The following SLC22A11 variants were observed in gnomAD, a reference collection of about 807,000 sequenced individuals.
SLC22A11 encodes organic anion transporter 4.
A neutral mutation model predicts 49.4 loss-of-function variants in SLC22A11; 42 were observed. That is an observed-to-expected ratio of 0.85 (90% confidence interval 0.66 to 1.10). The LOEUF (loss-of-function observed/expected upper bound fraction) is 1.10. Ranked by LOEUF, SLC22A11 falls within the 50% of genes least tolerant of loss-of-function variation. The pLI is 0.00. For synonymous variants in SLC22A11, 304 were observed against 315.8 expected (o/e 0.96, Z 0.40); for missense variants, 685 against 731.6 (o/e 0.94, Z 0.74).
chr11:64,562,818 G>A lies in SLC22A11; in HGVS notation c.821+383G>A, dbSNP rs115763744. Among the ~76,000 whole-genome samples the A allele has an allele frequency of 0.021, 3,273 of 152,236 alleles. 126 individuals carry two copies. Among genetic ancestry groups the A allele is most frequent in the African/African-American group, 0.074 (3,053 of 41,504 alleles). ...ATCCAGGGGCACTGGGCTGAACTTC[G>A]GCCACAGTGGAAGCGGCCGCTCTCC... On this transcript the variant is annotated intron_variant, in intron 4 of 9. Transcript: ENST00000301891. The surrounding 1 kb of genome is among the most constrained non-coding windows in gnomAD (Gnocchi z 4.4).
chr11:64,561,609 T>A (rs919499569), intron 2 of SLC22A11, among the ~76,000 whole-genome samples: 23 of 108,782 alleles, frequency 2.1e-4, no homozygotes, highest in African/African-American at 1.1e-3. Context: ...GCTAATTTAT[T>A]TATTTATTTA....
Position 64,564,328 on chromosome 11 carries a change from G to A in SLC22A11, c.842G>A (p.Arg281Gln), listed in dbSNP as rs374142543. The A allele has an allele frequency of 9.9e-6, 16 of 1,613,900 alleles. No individual in the cohort carries two copies. Among genetic ancestry groups the A allele is most frequent in the South Asian group, 1.1e-5 (1 of 91,080 alleles). ...TACAGGTGGCTGCCAGAATCCGCCC[G>A]GTGGCTGATTATTAAGGGCAAACCA... ...LISWWLPESA[R>Q]WLIIKGKPDQ... The change falls in exon 5 of 10, where the codon CGG becomes CAG. Residue 281 changes from arginine to glutamine, a missense_variant. Transcript: ENST00000301891. This position sits in a 1 kb window ranked among gnomAD's most constrained non-coding sequence, Gnocchi z 4.2.
chr11:64,569,869 TG>T lies in SLC22A11; in HGVS notation c.1589+12del. 1.9e-6 allele frequency: 3 copies of T among 1,611,226 alleles called. No individual in the cohort carries two copies. The highest frequency in any genetic ancestry group is 2.5e-6 in the Non-Finnish European group (3 of 1,179,810). On this transcript the variant is annotated intron_variant, in intron 9 of 9. Coordinates refer to ENST00000301891, the MANE Select transcript of SLC22A11 (RefSeq NM_018484.4). ...GGACCTGGAGAGCCAGTGAGTGACC[TG>T]TGATCCCTGGGCATCGGGCTGGGCT...
At chr11:64,566,379 T>C (rs767218180) in intron 6 of SLC22A11, 1 of 151,998 alleles carries the variant, frequency 6.6e-6, no homozygotes, top group Non-Finnish European at 1.5e-5. Flanking sequence ...ACTTGCTACA[T>C]CTTAGAACAA....
chr11:64,562,215 G>A lies in SLC22A11; in HGVS notation c.653-52G>A, dbSNP rs1371604284. On this transcript the variant is annotated intron_variant, in intron 3 of 9. Transcript: ENST00000301891. The surrounding 1 kb of genome is among the most constrained non-coding windows in gnomAD (Gnocchi z 4.4). ...GGGGGCGGGGGTGGCAGGAGAGAAT[G>A]GGGCTCAGGCCGCCGCATGAGGCCT... 3 of 1,602,948 alleles carry A rather than the reference G, an allele frequency of 1.9e-6. No individual in the cohort carries two copies. The highest frequency in any genetic ancestry group is 2.7e-5 in the African/African-American group (2 of 74,718).
intron 1 of SLC22A11, 77 bp downstream of exon 1, chr11:64,556,469 A>G (rs1456579648): frequency 6.4e-7 from 1 of 1,554,582 alleles, no homozygotes; most frequent in Non-Finnish European, 8.6e-7. Context: ...TTGGACTCCA[A>G]GGTCCAGTCC....
Position 64,563,945 on chromosome 11 carries a change from G to C in SLC22A11, c.822-363G>C, listed in dbSNP as rs181781387. On this transcript the variant is annotated intron_variant, in intron 4 of 9. Coordinates refer to ENST00000301891, the MANE Select transcript of SLC22A11 (RefSeq NM_018484.4). ...AAAAAACAAAAAAACCCAGCACCAA[G>C]TGACCTTTCTATCCTAGAAATAGCC... 2.6e-5 allele frequency among the ~76,000 whole-genome samples: 4 copies of C among 152,014 alleles called. No homozygotes were observed. In the East Asian group the frequency reaches 7.8e-4, roughly 29 times the overall value.
chr11:64,570,010 AT>A (rs1328128197), intron 9 of SLC22A11, 152 bp downstream of exon 9: 5 of 688,370 alleles, frequency 7.3e-6, no homozygotes, highest in African/African-American at 7.2e-5. Flanking sequence ...CCAGAAATGT[AT>A]TATTACTATC....
Position 64,571,312 on chromosome 11 carries a change from A to G in SLC22A11, c.*270A>G, listed in dbSNP as rs1745629564. On this transcript the variant is annotated 3_prime_UTR_variant, in exon 10 of 10. Transcript: ENST00000301891. ...AGATGGCCATGCCCAACCAATAACGAGACGGTTCCCCTCCCTTTCCCTGCC... is the reference window on the plus strand; with the variant it reads ...AGATGGCCATGCCCAACCAATAACGGGACGGTTCCCCTCCCTTTCCCTGCC... 2.2e-6 allele frequency: 1 copy of G among 459,208 alleles called. No individual in the cohort carries two copies. The allele number at this position is 459,208 out of a possible 1,614,324, so 28.4% of individuals were successfully genotyped here.
Position 64,564,251 on chromosome 11 carries a change from C to T in SLC22A11, c.822-57C>T, listed in dbSNP as rs573996809. On this transcript the variant is annotated intron_variant, in intron 4 of 9. Transcript: ENST00000301891. This position sits in a 1 kb window ranked among gnomAD's most constrained non-coding sequence, Gnocchi z 4.2. ...GTCCGTGCCCACTGCCCCTTTCCACCCCGCCCCGGGGGAGAGCCCAGCGTG... is the reference window on the plus strand; with the variant it reads ...GTCCGTGCCCACTGCCCCTTTCCACTCCGCCCCGGGGGAGAGCCCAGCGTG... 3 of 1,605,468 alleles carry T rather than the reference C, an allele frequency of 1.9e-6. No homozygotes were observed. Among genetic ancestry groups the T allele is most frequent in the Non-Finnish European group, 2.6e-6 (3 of 1,175,006 alleles).
rs1206188044 is a variant in SLC22A11 at position 64,571,184 on chromosome 11, C to T, written c.*142C>T. 2.4e-5 allele frequency: 20 copies of T among 822,346 alleles called. No individual in the cohort carries two copies. The highest frequency in any genetic ancestry group is 3.4e-5 in the African/African-American group (2 of 59,054). The allele number at this position is 822,346 out of a possible 1,614,324, so 50.9% of individuals were successfully genotyped here. On this transcript the variant is annotated 3_prime_UTR_variant, in exon 10 of 10. Coordinates refer to ENST00000301891, the MANE Select transcript of SLC22A11 (RefSeq NM_018484.4). The stretch of plus-strand genomic sequence containing the variant: ...CAGGCAGCCGTGGCCGAGTGGACAG[C>T]GTGGCCGTCTGCTGTGGCTGAAGGC...
intron 2 of SLC22A11, among the ~76,000 whole-genome samples, chr11:64,559,833 C>A (rs989507738): frequency 3.3e-5 from 5 of 152,178 alleles, no homozygotes; most frequent in Non-Finnish European, 7.3e-5. Flanking sequence ...GTGATGGGCA[C>A]GCCAGGGCCA....
Position 64,567,745 on chromosome 11 carries a change from G to GA in SLC22A11, c.1205_1206insA (p.Thr403HisfsTer52), listed in dbSNP as rs749540601. 1.2e-5 allele frequency: 20 copies of GA among 1,612,828 alleles called. No individual in the cohort carries two copies. The African/African-American group carries it at 2.1e-4, about 17-fold the overall frequency. The stretch of plus-strand genomic sequence containing the variant: ...CTCTTGCTCAGTTTCCTTGGCCGCC[G>GA]CACCATCCAGGCGGGTTCCCAGGCC... On this transcript the variant is annotated frameshift_variant, in exon 7 of 10. Coordinates refer to ENST00000301891, the MANE Select transcript of SLC22A11 (RefSeq NM_018484.4). LOFTEE classifies it high-confidence loss of function.
At chr11:64,568,613 C>A in intron 7 of SLC22A11, 57 bp from the exon 8 acceptor site, 1 of 1,450,302 alleles carries the variant, frequency 6.9e-7, no homozygotes, top group Non-Finnish European at 9.7e-7. Flanking sequence ...CGCACACTGA[C>A]TAGCCCCTGG....
intron 2 of SLC22A11, among the ~76,000 whole-genome samples, chr11:64,560,777 C>T (rs1380138783): frequency 1.3e-5 from 2 of 152,198 alleles, no homozygotes; most frequent in African/African-American, 2.4e-5. Flanking sequence ...CAGCTCAGCA[C>T]GGTGGCAGAC....
In SLC22A11 at chr11:64,570,974, TC is replaced by T. The variant is rs1427835942; in HGVS notation, c.1590-4del. ...ATGGCACTGCTTTTCTTTGGATTATTCTAGGAAATCAACAGCAGCCCAGGGC... is the reference window on the plus strand; with the variant it reads ...ATGGCACTGCTTTTCTTTGGATTATTTAGGAAATCAACAGCAGCCCAGGGC... On this transcript the variant is annotated splice_polypyrimidine_tract_variant and splice_region_variant and intron_variant, in intron 9 of 9. Coordinates refer to ENST00000301891, the MANE Select transcript of SLC22A11 (RefSeq NM_018484.4). 2.5e-6 allele frequency: 4 copies of T among 1,614,166 alleles called. 1 individual carries two copies. The South Asian group carries it at 4.4e-5, about 18-fold the overall frequency.
chr11:64,562,436 G>A lies in SLC22A11; in HGVS notation c.821+1G>A. ...TCTTTGCCATCTCCCTGATATCCTG[G>A]TCAGTATGATGTGGGACCTTTTCCT... On this transcript the variant is annotated splice_donor_variant, in intron 4 of 9. Coordinates refer to ENST00000301891, the MANE Select transcript of SLC22A11 (RefSeq NM_018484.4). LOFTEE classifies it high-confidence loss of function. This position sits in a 1 kb window ranked among gnomAD's most constrained non-coding sequence, Gnocchi z 4.4. The A allele has an allele frequency of 6.4e-7, 1 of 1,572,254 alleles. No individual in the cohort carries two copies. The highest frequency in any genetic ancestry group is 1.4e-5 in the African/African-American group (1 of 73,514).
chr11:64,565,982 C>T lies in SLC22A11; in HGVS notation c.1058+645C>T, dbSNP rs543373260. The T allele has an allele frequency of 2.6e-3, 466 of 178,094 alleles. 3 individuals carry two copies. Among genetic ancestry groups the T allele is most frequent in the African/African-American group, 0.01 (436 of 42,724 alleles). 11.0% of individuals were successfully genotyped at this position (178,094 alleles called of 1,614,324 possible). ...AAAACAAATTCAGTTCCGGTGACAT[C>T]CAAAAGAGCATATTAAAAAGCAAGG... is the stretch of plus-strand genomic sequence containing the variant. On this transcript the variant is annotated intron_variant, in intron 6 of 9. Coordinates refer to ENST00000301891, the MANE Select transcript of SLC22A11 (RefSeq NM_018484.4). The surrounding 1 kb of genome is among the most constrained non-coding windows in gnomAD (Gnocchi z 4.1).
Position 64,561,674 on chromosome 11 carries a change from G to T in SLC22A11, c.498-330G>T, listed in dbSNP as rs966647364. ...TTAGTAGAGACTGAGGTCTCACTAT[G>T]TTGCCCAGGCTGGTCTTGAACTCCT... On this transcript the variant is annotated intron_variant, in intron 2 of 9. Transcript: ENST00000301891. Among the ~76,000 whole-genome samples, 3 of 151,540 alleles carry T rather than the reference G, an allele frequency of 2.0e-5. No individual in the cohort carries two copies. In the East Asian group the frequency reaches 5.8e-4, roughly 29 times the overall value.
Sources: allele counts gnomAD v4.1 joint callset (sites outside exome capture counted in the v4.1 genomes callset), GRCh38; gene constraint gnomAD v4.1.1; non-coding constraint Gnocchi (gnomAD v3.1); transcripts MANE v1.5; gene names NCBI Gene and HGNC (gene_info 2026-07-23, HGNC 2026-07-21).